Variants in ABL1 observed in about 807,000 individuals in gnomAD.
ABL1 encodes the protein tyrosine-protein kinase ABL1.
A neutral mutation model predicts 94.7 loss-of-function variants in ABL1; 11 were observed. That is an observed-to-expected ratio of 0.12 (90% confidence interval 0.07 to 0.19). The LOEUF is 0.19. Ranked by LOEUF, ABL1 falls within the 10% of genes least tolerant of loss-of-function variation. The pLI is 1.00. For synonymous variants in ABL1, 656 were observed against 622.4 expected (o/e 1.05, Z -0.80); for missense variants, 1,082 against 1,489.4 (o/e 0.73, Z 4.50).
At chr9:130,755,243 A>G (rs760445012) in intron 1 of ABL1, among the ~76,000 whole-genome samples, 3 of 152,232 alleles carry the variant, frequency 2.0e-5, no homozygotes, top group Non-Finnish European at 4.4e-5. Flanking sequence ...ACATGAGAAG[A>G]GCCTGAAGAA....
chr9:130,887,197 C>T lies in ABL1; in HGVS notation c.*1514C>T, dbSNP rs36038391. The T allele has an allele frequency of 1.2e-4, 27 of 233,280 alleles. No individual in the cohort carries two copies. The East Asian group carries it at 1.5e-3, about 13-fold the overall frequency. 14.5% of individuals were successfully genotyped at this position (233,280 alleles called of 1,614,324 possible). The stretch of plus-strand genomic sequence containing the variant: ...TCATACCGCCTCGTGCCAGCAGCCT[C>T]GCACAGGCCCTAGCTTTACGCTCAT... On this transcript the variant is annotated 3_prime_UTR_variant, in exon 11 of 11. Coordinates refer to ENST00000318560, the MANE Select transcript of ABL1 (RefSeq NM_005157.6).
At chr9:130,726,018 T>A (rs1285977891) in intron 1 of ABL1, among the ~76,000 whole-genome samples, 12 of 148,210 alleles carry the variant, frequency 8.1e-5, no homozygotes, top group African/African-American at 2.5e-4. Context: ...CTGGCTAATT[T>A]AAAAAAAAAA....
rs778064276 is a variant in ABL1, at chr9:130,884,536, C to T, written c.2246C>T (p.Ser749Leu). The change falls in exon 11 of 11, where the codon TCG (serine) becomes TTG (leucine). Residue 749 changes from serine (S) to leucine (L), a missense_variant. Ser to Leu is a moderately radical substitution (Grantham distance 145, BLOSUM62 -2). This residue lies in a region of ABL1 where 780 missense variants were observed against 835.8 expected (regional missense o/e 0.93). Transcript: ENST00000318560. This position sits in a 1 kb window ranked among gnomAD's most constrained non-coding sequence, Gnocchi z 5.6. ...CAGTCCACGGGAAGACAGTTTGACTCGTCCACATTTGGAGGGCACAAAAGT... is the reference window on the plus strand; with the variant it reads ...CAGTCCACGGGAAGACAGTTTGACTTGTCCACATTTGGAGGGCACAAAAGT... ...DLQSTGRQFD[S>L]STFGGHKSEK... The T allele has an allele frequency of 1.8e-5, 29 of 1,613,090 alleles. No homozygotes were observed. The East Asian group carries it at 2.2e-4, about 12-fold the overall frequency.
intron 1 of ABL1, among the ~76,000 whole-genome samples, chr9:130,763,821 T>G (rs888029036): frequency 3.9e-5 from 6 of 152,152 alleles, no homozygotes; most frequent in African/African-American, 1.4e-4. Flanking sequence ...GTCTACCCTA[T>G]TCAGTGAGGG....
intron 1 of ABL1, among the ~76,000 whole-genome samples, chr9:130,764,783 C>T (rs1217561842): frequency 1.3e-5 from 2 of 152,022 alleles, no homozygotes; most frequent in African/African-American, 4.8e-5. Flanking sequence ...TGGTGAAACC[C>T]TGTCTCTACT....
At chr9:130,879,647 C>T (rs1364391811) in intron 8 of ABL1, among the ~76,000 whole-genome samples, 1 of 152,172 alleles carries the variant, frequency 6.6e-6, no homozygotes, top group East Asian at 1.9e-4. Flanking sequence ...TCCTGGTCCC[C>T]AGTACTAGGC....
chr9:130,772,606 G>A (rs1832265909), intron 1 of ABL1, among the ~76,000 whole-genome samples: 1 of 152,200 alleles, frequency 6.6e-6, no homozygotes, highest in African/African-American at 2.4e-5. Flanking sequence ...CTGGGCATAT[G>A]AAGAGGCCTG....
upstream of ABL1, among the ~76,000 whole-genome samples, chr9:130,833,456 C>T (rs1830517690): frequency 6.6e-6 from 1 of 152,204 alleles, no homozygotes; most frequent in Non-Finnish European, 1.5e-5. Context: ...GCAGTCACCA[C>T]ACGCAGGCTG....
rs144744099 is a variant in ABL1, at chr9:130,852,100, A to C, written c.80-1964A>C. On this transcript the variant is annotated intron_variant, in intron 1 of 10. Coordinates refer to ENST00000318560, the MANE Select transcript of ABL1 (RefSeq NM_005157.6). ...GGCCTCTCTTTTTAAGATAATAAAA[A>C]TTACTAAACATCATAATGACATGAT... 1.1e-4 allele frequency among the ~76,000 whole-genome samples: 16 copies of C among 152,236 alleles called. No individual in the cohort carries two copies. In the East Asian group the frequency reaches 3.1e-3, roughly 29 times the overall value.
chr9:130,747,579 A>G (rs1198675426), intron 1 of ABL1, among the ~76,000 whole-genome samples: 1 of 152,012 alleles, frequency 6.6e-6, no homozygotes, highest in Non-Finnish European at 1.5e-5. Context: ...ACACCCTGCT[A>G]ATTTTTGTAT....
At chr9:130,829,034 C>T (rs1336033277) in intron 1 of ABL1, among the ~76,000 whole-genome samples, 2 of 151,998 alleles carry the variant, frequency 1.3e-5, no homozygotes, top group Admixed American at 6.5e-5. Flanking sequence ...TTTAAGGGGT[C>T]AGGAACCAGA....
In ABL1 at chr9:130,884,641, C is replaced by G. The variant is rs1355021408; in HGVS notation, c.2351C>G (p.Pro784Arg). 20 of 1,613,138 alleles carry G rather than the reference C, an allele frequency of 1.2e-5. No homozygotes were observed. The highest frequency in any genetic ancestry group is 4.5e-5 in the East Asian group (2 of 44,872). Residue 784 changes from proline to arginine, a missense_variant, in exon 11 of 11, where the codon CCC (proline) becomes CGC (arginine). Physicochemically the swap from Pro to Arg is moderately radical, Grantham distance 103. Around this residue, in one of 7 missense-constraint regions of ABL1, gnomAD observed 780 missense variants for 835.8 expected, o/e 0.93. Coordinates refer to ENST00000318560, the MANE Select transcript of ABL1 (RefSeq NM_005157.6). This position sits in a 1 kb window ranked among gnomAD's most constrained non-coding sequence, Gnocchi z 5.6. Reference sequence around the variant, plus strand: ...ACCCGAGGCACAGTAACGCCTCCCCCCAGGCTGGTGAAAAAGAATGAGGAA... The same window carrying G: ...ACCCGAGGCACAGTAACGCCTCCCCGCAGGCTGGTGAAAAAGAATGAGGAA... The part of the protein sequence containing the change: ...QVTRGTVTPP[P>R]RLVKKNEEAA...
Position 130,863,142 on chromosome 9 carries a change from C to T in ABL1, c.822+107C>T, listed in dbSNP as rs1427365674. The T allele has an allele frequency of 1.5e-6, 2 of 1,308,544 alleles. No homozygotes were observed. Among genetic ancestry groups the T allele is most frequent in the South Asian group, 1.5e-5 (1 of 64,892 alleles). The allele number at this position is 1,308,544 out of a possible 1,614,324, so 81.1% of individuals were successfully genotyped here. On this transcript the variant is annotated intron_variant, in intron 4 of 10. Coordinates refer to ENST00000318560, the MANE Select transcript of ABL1 (RefSeq NM_005157.6). This position sits in a 1 kb window ranked among gnomAD's most constrained non-coding sequence, Gnocchi z 4.3. The stretch of plus-strand genomic sequence containing the variant: ...CTACCTCCTGCCTGCTGTCCGAGGG[C>T]TTCATTGGCGCCACGGAATTGACTT...
At chr9:130,793,329 A>G (rs1829932976) in intron 1 of ABL1, among the ~76,000 whole-genome samples, 1 of 152,064 alleles carries the variant, frequency 6.6e-6, no homozygotes, top group Admixed American at 6.5e-5. Context: ...TTTTCCATAG[A>G]TCTATTTGCC....
At chr9:130,744,747 C>G (rs1324507118) in intron 1 of ABL1, among the ~76,000 whole-genome samples, 1 of 148,668 alleles carries the variant, frequency 6.7e-6, no homozygotes, top group African/African-American at 2.5e-5. Context: ...GTTCCAGCTA[C>G]TGGGGAGGCT....
At chr9:130,773,469 A>G (rs752622939) in intron 1 of ABL1, among the ~76,000 whole-genome samples, 3 of 151,806 alleles carry the variant, frequency 2.0e-5, no homozygotes, top group Admixed American at 6.6e-5. Flanking sequence ...TTTTGTTGCT[A>G]TTGTTTTGAA....
intron 1 of ABL1, among the ~76,000 whole-genome samples, chr9:130,838,032 G>T (rs1450031933): frequency 6.6e-6 from 1 of 152,186 alleles, no homozygotes; most frequent in African/African-American, 2.4e-5. Context: ...CATAAAGATG[G>T]CTAGCAATTA....
chr9:130,768,671 T>C (rs1407442162), intron 1 of ABL1, among the ~76,000 whole-genome samples: 3 of 152,226 alleles, frequency 2.0e-5, no homozygotes, highest in Non-Finnish European at 4.4e-5. Context: ...ATAGTCTTTG[T>C]TGAAGGAACG....
chr9:130,720,829 G>A (rs561603798), intron 1 of ABL1, among the ~76,000 whole-genome samples: 1 of 152,056 alleles, frequency 6.6e-6, no homozygotes, highest in African/African-American at 2.4e-5. Flanking sequence ...TTTGCTCTCG[G>A]ATTAGATGTG....
Sources: gnomAD v4.1 joint callset for allele counts (sites outside exome capture counted in the v4.1 genomes callset) on GRCh38, gnomAD v4.1.1 for gene constraint, gnomAD v4.1.1 regional missense constraint, Gnocchi (gnomAD v3.1) non-coding constraint, MANE v1.5 for transcripts, NCBI Gene and HGNC (gene_info 2026-07-23, HGNC 2026-07-21) for gene names.